The following CACNA1I variants were observed in gnomAD, a reference collection of about 807,000 sequenced individuals.
The protein encoded by CACNA1I is calcium voltage-gated channel subunit alpha1 I.
CACNA1I carries 74 observed loss-of-function variants against 201.6 expected under a neutral mutation model. That is an observed-to-expected ratio of 0.37 (90% confidence interval 0.30 to 0.45). The LOEUF (loss-of-function observed/expected upper bound fraction) is 0.45, where lower values mean the gene tolerates loss of function less well. CACNA1I is among the 20% of genes least tolerant of loss of function. The pLI, the probability that CACNA1I is intolerant of heterozygous loss-of-function variation, is 1.00. For synonymous variants in CACNA1I, 1,431 were observed against 1,345.2 expected, an observed-to-expected ratio of 1.06 and a Z score of -1.40; for missense variants, 2,346 against 3,138.1, an observed-to-expected ratio of 0.75 and a Z score of 6.03.
At chr22:39,605,608 A>G (rs1308960621) in intron 3 of CACNA1I, among the ~76,000 whole-genome samples, 1 of 152,218 alleles carries the variant, frequency 6.6e-6, no homozygotes, top group Non-Finnish European at 1.5e-5. Flanking sequence ...TTCAGTTTGG[A>G]AAACAGAAAT....
intron 35 of CACNA1I, among the ~76,000 whole-genome samples, chr22:39,683,938 T>C (rs916230282): frequency 3.3e-5 from 5 of 152,186 alleles, no homozygotes; most frequent in African/African-American, 1.2e-4. Context: ...TACTATGTAC[T>C]TGGTACTGAG....
intron 18 of CACNA1I, 100 bp downstream of exon 18, chr22:39,662,976 G>T (rs1039607914): frequency 1.0e-5 from 8 of 785,370 alleles, no homozygotes; most frequent in African/African-American, 1.7e-5. Flanking sequence ...CGCTCTCCCA[G>T]ACCACAGCGG....
intron 29 of CACNA1I, among the ~76,000 whole-genome samples, chr22:39,674,992 C>T (rs1194114732): frequency 6.6e-6 from 1 of 152,198 alleles, no homozygotes; most frequent in Non-Finnish European, 1.5e-5. Context: ...CAAGGGCATT[C>T]ATTCAGAGAC....
At position 39,619,288 on chromosome 22, in the gene CACNA1I, ACTCT is replaced by A. The variant is rs1461420967; in HGVS notation, c.483-16_483-13del. 5 of 1,587,064 alleles carry A rather than the reference ACTCT, an allele frequency of 3.2e-6. No individual in the cohort carries two copies. Among genetic ancestry groups the A allele is most frequent in the African/African-American group, 2.7e-5 (2 of 74,260 alleles). ...CAGCTGGCCTCCAGCACCATCCCTC[ACTCT>A]CTCTCCTTTCTCTGCAGGATGGTCG... is the stretch of plus-strand genomic sequence containing the variant. On this transcript the variant is annotated intron_variant, in intron 3 of 36. Coordinates refer to ENST00000402142, the MANE Select transcript of CACNA1I (RefSeq NM_021096.4).
chr22:39,679,763 C>A lies in CACNA1I; in HGVS notation c.5436C>A (p.Asp1812Glu). The part of the protein sequence containing the change: ...WLDSVSLIIK[D>E]SLEGELTIID... ...ACAGCGTCTCTTTAATCATCAAGGACTCCTTGGAGGGGGAGCTGACCATCA... is the reference window on the plus strand; with the variant it reads ...ACAGCGTCTCTTTAATCATCAAGGAATCCTTGGAGGGGGAGCTGACCATCA... The change falls in exon 33 of 37, where the codon GAC becomes GAA. Residue 1812 changes from aspartate to glutamate, a missense_variant. Coordinates refer to ENST00000402142, the MANE Select transcript of CACNA1I (RefSeq NM_021096.4). 6.2e-7 allele frequency: 1 copy of A among 1,612,976 alleles called. No individual in the cohort carries two copies. The highest frequency in any genetic ancestry group is 8.5e-7 in the Non-Finnish European group (1 of 1,179,588).
At chr22:39,592,541 G>A (rs995681118) in intron 1 of CACNA1I, among the ~76,000 whole-genome samples, 1 of 152,226 alleles carries the variant, frequency 6.6e-6, no homozygotes, top group Non-Finnish European at 1.5e-5. Context: ...ACTGCAGTGA[G>A]GGCCTGAGGG....
Position 39,596,483 on chromosome 22 carries a change from AGGATGGAGAGAGATGGG to A in CACNA1I, c.237-1665_237-1649del, listed in dbSNP as rs1197256687. On this transcript the variant is annotated intron_variant, in intron 1 of 36. Coordinates refer to ENST00000402142, the MANE Select transcript of CACNA1I (RefSeq NM_021096.4). The stretch of plus-strand genomic sequence containing the variant: ...GCAGGGCGGAGAGAGATGGGGGAGC[AGGATGGAGAGAGATGGG>A]GGGCAGGGTGGAGAGAGATGGGGGG... Among the ~76,000 whole-genome samples, 5 of 32,764 alleles carry A rather than the reference AGGATGGAGAGAGATGGG, an allele frequency of 1.5e-4. 1 individual carries two copies. The highest frequency in any genetic ancestry group is 2.1e-4 in the Non-Finnish European group (4 of 18,754). 21.5% of individuals were successfully genotyped at this position (32,764 alleles called of 152,430 possible).
chr22:39,573,854 C>T (rs1487076777), intron 1 of CACNA1I, among the ~76,000 whole-genome samples: 1 of 152,124 alleles, frequency 6.6e-6, no homozygotes, highest in East Asian at 1.9e-4. Context: ...AGGAGCTGGG[C>T]CTGCCTCTTG....
At chr22:39,598,944 T>TTTTG (rs1272886379) in intron 2 of CACNA1I, among the ~76,000 whole-genome samples, 1 of 120,400 alleles carries the variant, frequency 8.3e-6, no homozygotes, top group African/African-American at 3.2e-5. Flanking sequence ...CTCTTGGGTT[T>TTTTG]TTTTTTTTTT....
At chr22:39,584,069 T>G (rs1477477985) in intron 1 of CACNA1I, among the ~76,000 whole-genome samples, 1 of 152,128 alleles carries the variant, frequency 6.6e-6, no homozygotes, top group Non-Finnish European at 1.5e-5. Flanking sequence ...CACAGAAGGC[T>G]TTTGGTTTTG....
At chr22:39,575,084 G>T (rs955738042) in intron 1 of CACNA1I, among the ~76,000 whole-genome samples, 6 of 152,264 alleles carry the variant, frequency 3.9e-5, no homozygotes, top group African/African-American at 1.4e-4. Flanking sequence ...ACCGCTCCCT[G>T]CCTGGCCTGG....
rs370352624 is a variant in CACNA1I at position 39,634,716 on chromosome 22, C to T, written c.732C>T (p.Asn244=). Reference sequence around the variant, plus strand: ...GTAACCGCTGCTTCCTGGAGGAGAACTTCACCATGTGAGTTCATCCCCTGC... The same window carrying T: ...GTAACCGCTGCTTCCTGGAGGAGAATTTCACCATGTGAGTTCATCCCCTGC... The part of the protein sequence containing the change: ...LLRNRCFLEE[N]FTIQGDVALP... Residue 244 remains asparagine, a synonymous_variant, in exon 5 of 37, where the codon AAC becomes AAT. Transcript: ENST00000402142. 6.2e-7 allele frequency: 1 copy of T among 1,613,386 alleles called. No individual in the cohort carries two copies. Among genetic ancestry groups the T allele is most frequent in the Non-Finnish European group, 8.5e-7 (1 of 1,179,508 alleles).
chr22:39,663,956 T>C, intron 19 of CACNA1I, 115 bp downstream of exon 19: 1 of 1,542,048 alleles, frequency 6.5e-7, no homozygotes, highest in South Asian at 1.1e-5. Flanking sequence ...GAAGTTTGCC[T>C]TTGGGGCGGG....
At chr22:39,613,536 A>G (rs1377039657) in intron 3 of CACNA1I, among the ~76,000 whole-genome samples, 4 of 152,256 alleles carry the variant, frequency 2.6e-5, no homozygotes, top group Non-Finnish European at 4.4e-5. Context: ...CTGGATCTGT[A>G]TATGAACATG....
chr22:39,658,714 C>T (rs572147757), intron 11 of CACNA1I, among the ~76,000 whole-genome samples: 1 of 152,352 alleles, frequency 6.6e-6, no homozygotes, highest in African/African-American at 2.4e-5. Flanking sequence ...GGATTCTAGC[C>T]AGAGACTTCT....
rs983333953 is a variant in CACNA1I at position 39,665,081 on chromosome 22, C to G, written c.3851+158C>G. 2.6e-5 allele frequency among the ~76,000 whole-genome samples: 4 copies of G among 151,788 alleles called. No individual in the cohort carries two copies. Among genetic ancestry groups the G allele is most frequent in the Non-Finnish European group, 5.9e-5 (4 of 67,918 alleles). On this transcript the variant is annotated intron_variant, in intron 21 of 36. Coordinates refer to ENST00000402142, the MANE Select transcript of CACNA1I (RefSeq NM_021096.4). This position sits in a 1 kb window ranked among gnomAD's most constrained non-coding sequence, Gnocchi z 5.5. ...GAGCTGTTCCCGGGGGAGGGGTCTG[C>G]AGACCCTGGGGGTGGGGTATGCTGG...
chr22:39,617,037 G>A (rs994639613), intron 3 of CACNA1I, among the ~76,000 whole-genome samples: 16 of 152,100 alleles, frequency 1.1e-4, no homozygotes, highest in African/African-American at 3.4e-4. Context: ...GCTCTGGTCC[G>A]GGGTGGAATG....
rs539266616 is a variant in CACNA1I at position 39,673,726 on chromosome 22, G to A, written c.4784-237G>A. 4.6e-5 allele frequency among the ~76,000 whole-genome samples: 7 copies of A among 152,236 alleles called. No homozygotes were observed. In the South Asian group the frequency reaches 8.3e-4, roughly 18 times the overall value. On this transcript the variant is annotated intron_variant, in intron 28 of 36. Coordinates refer to ENST00000402142, the MANE Select transcript of CACNA1I (RefSeq NM_021096.4). ...ACCTCAGTTTCCATGAGTATGCCCC[G>A]TCCTCGGGGGCTTTTCTACAGTGAC...
At chr22:39,638,723 A>G (rs1934283711) in intron 5 of CACNA1I, among the ~76,000 whole-genome samples, 1 of 151,668 alleles carries the variant, frequency 6.6e-6, no homozygotes, top group Non-Finnish European at 1.5e-5. Flanking sequence ...AGATTTTCAT[A>G]TGCTTTAGAT....
Sources: gnomAD v4.1 joint callset for allele counts (sites outside exome capture counted in the v4.1 genomes callset) on GRCh38, gnomAD v4.1.1 for gene constraint, Gnocchi (gnomAD v3.1) non-coding constraint, MANE v1.5 for transcripts, NCBI Gene and HGNC (gene_info 2026-07-23, HGNC 2026-07-21) for gene names.